RUVBL1: variants seen among roughly 807,000 people sequenced by gnomAD.
The protein encoded by RUVBL1 is ruvB-like 1.
In RUVBL1, 4 loss-of-function variants were observed where a neutral mutation model predicts 52.4. The observed-to-expected ratio is 0.08, with a 90% CI of 0.04 to 0.17. The LOEUF is 0.17. RUVBL1 is among the 10% of genes least tolerant of loss of function. The pLI is 1.00. For missense variants in RUVBL1, 298 were observed against 572.8 expected, an observed-to-expected ratio of 0.52 and a Z score of 4.90; for synonymous variants, 217 against 214.4, an observed-to-expected ratio of 1.01 and a Z score of -0.10.
intron 3 of RUVBL1, among the ~76,000 whole-genome samples, chr3:128,105,352 C>A (rs1165127583): frequency 6.6e-6 from 1 of 151,868 alleles, no homozygotes; most frequent in East Asian, 1.9e-4. Context: ...GATCTCCTGA[C>A]CTCATGATCT....
At chr3:128,097,186 A>G (rs1182289328) in intron 8 of RUVBL1, 114 bp downstream of exon 8, 3 of 1,050,140 alleles carry the variant, frequency 2.9e-6, no homozygotes, top group East Asian at 2.6e-5. Context: ...CTCAAAAACA[A>G]CATGACCTCC....
chr3:128,103,937 T>A (rs1943166080), intron 4 of RUVBL1, among the ~76,000 whole-genome samples: 1 of 152,236 alleles, frequency 6.6e-6, no homozygotes, highest in African/African-American at 2.4e-5. Context: ...ACTGCTCCAT[T>A]TCTCCAAGTG....
chr3:128,118,309 C>T (rs1409164040), intron 2 of RUVBL1, among the ~76,000 whole-genome samples: 5 of 152,110 alleles, frequency 3.3e-5, no homozygotes, highest in Non-Finnish European at 7.4e-5. Flanking sequence ...AGCACTTCTT[C>T]CTCTTGTAAG....
intron 7 of RUVBL1, among the ~76,000 whole-genome samples, chr3:128,098,040 C>G (rs1943025466): frequency 6.6e-6 from 1 of 152,122 alleles, no homozygotes; most frequent in African/African-American, 2.4e-5. Flanking sequence ...GAGCAGAAAC[C>G]TTTGAGGAAT....
At chr3:128,148,790 C>G (rs910620341) in intron 1 of RUVBL1, among the ~76,000 whole-genome samples, 5 of 152,182 alleles carry the variant, frequency 3.3e-5, no homozygotes, top group Non-Finnish European at 7.3e-5. Flanking sequence ...GCTACACACA[C>G]TAGTGTGCAC....
intron 1 of RUVBL1, among the ~76,000 whole-genome samples, chr3:128,152,664 G>A (rs1944241573): frequency 1.3e-5 from 2 of 152,100 alleles, no homozygotes; most frequent in Admixed American, 1.3e-4. Flanking sequence ...AAGTGTGTCC[G>A]GAGTTGGTTT....
chr3:128,126,671 A>C (rs192897777), upstream of RUVBL1, among the ~76,000 whole-genome samples: 1 of 152,244 alleles, frequency 6.6e-6, no homozygotes, highest in African/African-American at 2.4e-5. Flanking sequence ...ACACAGATCC[A>C]GTGTGTAAAG....
At chr3:128,121,397 A>G (rs1461995295) in intron 1 of RUVBL1, among the ~76,000 whole-genome samples, 2 of 149,844 alleles carry the variant, frequency 1.3e-5, no homozygotes, top group Non-Finnish European at 3.0e-5. Context: ...CGCCCGGCCC[A>G]GATGCTATAT....
chr3:128,150,892 C>CTA (rs1236167399), intron 1 of RUVBL1, among the ~76,000 whole-genome samples: 2 of 57,894 alleles, frequency 3.5e-5, no homozygotes, highest in Admixed American at 2.9e-4. Flanking sequence ...TATATATATT[C>CTA]TATATATATA....
intron 9 of RUVBL1, chr3:128,071,556 G>A (rs1942168481): frequency 6.5e-6 from 1 of 152,732 alleles, no homozygotes; most frequent in Non-Finnish European, 1.5e-5. Flanking sequence ...CACGCCCTGT[G>A]GGTGATGGTC....
chr3:128,070,846 G>A (rs1942144186), intron 9 of RUVBL1: 1 of 152,386 alleles, frequency 6.6e-6, no homozygotes, highest in Non-Finnish European at 1.5e-5. Context: ...TCCTGGAGAT[G>A]AGCACCCTCT....
intron 1 of RUVBL1, among the ~76,000 whole-genome samples, chr3:128,152,999 CCCGCCCCCCTT>C (rs1944271973): frequency 2.1e-5 from 1 of 47,962 alleles, no homozygotes; most frequent in African/African-American, 8.8e-5. Flanking sequence ...CCCCGCCCCC[CCCGCCCCCCTT>C]CGCCCCCCCA....
At chr3:128,076,787 TC>T (rs1354829501), downstream of RUVBL1, among the ~76,000 whole-genome samples, 1 of 151,852 alleles carries the variant, frequency 6.6e-6, no homozygotes, top group Non-Finnish European at 1.5e-5. This position sits in a 1 kb window ranked among gnomAD's most constrained non-coding sequence, Gnocchi z 6.8. Context: ...TGTCCCCCGT[TC>T]CCTGCATGCG....
chr3:128,130,629 GTATT>G (rs900117784), intron 1 of RUVBL1, among the ~76,000 whole-genome samples: 355 of 21,854 alleles, frequency 0.016, 12 homozygotes, highest in African/African-American at 0.031. Flanking sequence ...ATTTATTTAT[GTATT>G]TATTTATTTA....
In RUVBL1 at chr3:128,105,342, G is replaced by C. The variant is rs139343726; in HGVS notation, c.362-418C>G. On this transcript the variant is annotated intron_variant, in intron 3 of 10. Transcript: ENST00000322623. ...TCACCATGTTAGCCAGGATGGTCTT[G>C]ATCTCCTGACCTCATGATCTACCCT... Among the ~76,000 whole-genome samples the C allele has an allele frequency of 6.4e-3, 979 of 151,902 alleles. 6 individuals carry two copies. The highest frequency in any genetic ancestry group is 0.014 in the Middle Eastern group (4 of 292).
At chr3:128,099,599 C>T (rs1157835472) in intron 6 of RUVBL1, among the ~76,000 whole-genome samples, 5 of 152,208 alleles carry the variant, frequency 3.3e-5, no homozygotes, top group South Asian at 2.1e-4. Flanking sequence ...CATCCTCCTG[C>T]GGGCTCCTAA....
downstream of RUVBL1, among the ~76,000 whole-genome samples, chr3:128,080,493 A>G (rs1387166925): frequency 2.0e-5 from 3 of 152,230 alleles, no homozygotes; most frequent in East Asian, 5.8e-4. Context: ...ACCATCAACG[A>G]TGAGTCATGT....
chr3:128,099,339 T>G (rs1943062059), intron 6 of RUVBL1, among the ~76,000 whole-genome samples: 1 of 152,200 alleles, frequency 6.6e-6, no homozygotes, highest in Non-Finnish European at 1.5e-5. Context: ...TCCCAGTCAT[T>G]AAAGTTCACG....
intron 3 of RUVBL1, among the ~76,000 whole-genome samples, chr3:128,110,999 G>A (rs1943378283): frequency 6.6e-6 from 1 of 151,862 alleles, no homozygotes; most frequent in African/African-American, 2.4e-5. Flanking sequence ...GGCCGAGGCA[G>A]GTGAATCATG....
Sources: gnomAD v4.1 joint callset for allele counts (sites outside exome capture counted in the v4.1 genomes callset) on GRCh38, gnomAD v4.1.1 for gene constraint, Gnocchi (gnomAD v3.1) non-coding constraint, MANE v1.5 for transcripts, NCBI Gene and HGNC (gene_info 2026-07-23, HGNC 2026-07-21) for gene names.